Variants in HOMER1 observed in about 807,000 individuals in gnomAD.
HOMER1 encodes homer scaffold protein 1.
A neutral mutation model predicts 48.9 loss-of-function variants in HOMER1; 3 were observed. That is an observed-to-expected ratio of 0.06 (90% CI 0.03 to 0.16). The LOEUF is 0.16. HOMER1 is among the 10% of genes least tolerant of loss of function. The probability of loss-of-function intolerance (pLI) is 1.00; values close to 1 mark genes in which losing one functional copy is unlikely to be tolerated. For synonymous variants in HOMER1, 134 were observed against 146.4 expected (o/e 0.92, Z 0.61); for missense variants, 247 against 411.4 (o/e 0.60, Z 3.46).
chr5:79,382,664 A>C lies in HOMER1; in HGVS notation c.877-6467T>G, dbSNP rs77672643. 9.2e-5 allele frequency among the ~76,000 whole-genome samples: 14 copies of C among 152,378 alleles called. No homozygotes were observed. In the East Asian group the frequency reaches 2.7e-3, roughly 29 times the overall value. On this transcript the variant is annotated intron_variant, in intron 8 of 8. Coordinates refer to ENST00000334082, the MANE Select transcript of HOMER1 (RefSeq NM_004272.5). The stretch of plus-strand genomic sequence containing the variant: ...CAGCCCTACAAGAAATGCTCAAGGG[A>C]GATCTAAGTCTGGAAATGAAAGGAT...
At chr5:79,386,355 G>T (rs1488238803) in intron 8 of HOMER1, among the ~76,000 whole-genome samples, 1 of 152,178 alleles carries the variant, frequency 6.6e-6, no homozygotes, top group Non-Finnish European at 1.5e-5. Context: ...AGTGAACTAA[G>T]CCAGGCACAG....
At chr5:79,394,557 C>A (rs532387054) in intron 8 of HOMER1, among the ~76,000 whole-genome samples, 28 of 152,222 alleles carry the variant, frequency 1.8e-4, no homozygotes, top group African/African-American at 6.5e-4. Flanking sequence ...TCAATTACTG[C>A]TCTATCAATG....
chr5:79,479,093 G>A (rs981199127), intron 1 of HOMER1, among the ~76,000 whole-genome samples: 40 of 152,120 alleles, frequency 2.6e-4, no homozygotes, highest in Non-Finnish European at 7.3e-5. Flanking sequence ...TTGTGACACA[G>A]GCACAGGAGG....
In HOMER1 at chr5:79,423,911, G is replaced by A. The variant is rs1750173415; in HGVS notation, c.527+15099C>T. On this transcript the variant is annotated intron_variant, in intron 5 of 8. Transcript: ENST00000334082. ...CTTCATTTTTGAGACAGAGATGATGGTAGGAATGTCATATTTTTAGAGACC... is the reference window on the plus strand; with the variant it reads ...CTTCATTTTTGAGACAGAGATGATGATAGGAATGTCATATTTTTAGAGACC... Among the ~76,000 whole-genome samples, 6 of 152,082 alleles carry A rather than the reference G, an allele frequency of 3.9e-5. No individual in the cohort carries two copies. The South Asian group carries it at 1.2e-3, about 32-fold the overall frequency.
intron 8 of HOMER1, among the ~76,000 whole-genome samples, chr5:79,380,501 A>G (rs1374478638): frequency 6.6e-6 from 1 of 152,200 alleles, no homozygotes; most frequent in Non-Finnish European, 1.5e-5. Context: ...GTCAGGGCTG[A>G]GGCATGAGTG....
chr5:79,441,429 C>T (rs1336826441), intron 4 of HOMER1, among the ~76,000 whole-genome samples: 1 of 152,020 alleles, frequency 6.6e-6, no homozygotes. Context: ...AATGTTAATG[C>T]TACTAAAGTA....
intron 3 of HOMER1, among the ~76,000 whole-genome samples, chr5:79,449,958 A>G (rs1750988194): frequency 3.3e-5 from 5 of 152,230 alleles, no homozygotes. Context: ...ATATATTCAT[A>G]AAAGTGTAAG....
chr5:79,400,934 A>ATTT (rs746813087), intron 6 of HOMER1, among the ~76,000 whole-genome samples: 28 of 115,116 alleles, frequency 2.4e-4, no homozygotes, highest in Non-Finnish European at 3.5e-4. Flanking sequence ...AAGAAAAAAG[A>ATTT]TTTTTTTTTT....
intron 1 of HOMER1, among the ~76,000 whole-genome samples, chr5:79,462,330 A>T (rs1486893748): frequency 6.6e-6 from 1 of 152,176 alleles, no homozygotes; most frequent in East Asian, 1.9e-4. Flanking sequence ...GACATAAGAA[A>T]AGCTTACTGG....
rs542837463 is a variant in HOMER1, at chr5:79,510,071, T to C, written c.5+2699A>G. ...AACATTTATTAGGCATAAATACGCA[T>C]AAAGTGTGGAAACGTCAGCAAATGC... On this transcript the variant is annotated intron_variant, in intron 1 of 8. Transcript: ENST00000334082. Among the ~76,000 whole-genome samples, 5 of 152,194 alleles carry C rather than the reference T, an allele frequency of 3.3e-5. No individual in the cohort carries two copies. The South Asian group carries it at 8.3e-4, about 25-fold the overall frequency.
intron 5 of HOMER1, 132 bp downstream of exon 5, chr5:79,438,878 A>T: frequency 4.1e-6 from 1 of 246,708 alleles, no homozygotes; most frequent in Non-Finnish European, 6.9e-6. Flanking sequence ...AGAAGCAGTA[A>T]AAAAAAAAAA....
At chr5:79,511,950 A>G (rs1467953970) in intron 1 of HOMER1, among the ~76,000 whole-genome samples, 1 of 152,222 alleles carries the variant, frequency 6.6e-6, no homozygotes, top group Non-Finnish European at 1.5e-5. Context: ...CAATGAAATC[A>G]GATTGCTCCA....
intron 5 of HOMER1, among the ~76,000 whole-genome samples, chr5:79,416,010 A>T (rs1336334239): frequency 6.6e-6 from 1 of 152,204 alleles, no homozygotes; most frequent in African/African-American, 2.4e-5. Flanking sequence ...TGTACTCTTG[A>T]AGACAAAAAA....
chr5:79,416,947 C>T (rs1253806557), intron 5 of HOMER1, among the ~76,000 whole-genome samples: 1 of 152,072 alleles, frequency 6.6e-6, no homozygotes, highest in African/African-American at 2.4e-5. Flanking sequence ...TCATAGTTTC[C>T]CTACATCAGT....
At chr5:79,473,392 C>T (rs1751674600) in intron 1 of HOMER1, among the ~76,000 whole-genome samples, 3 of 152,136 alleles carry the variant, frequency 2.0e-5, no homozygotes, top group Admixed American at 2.0e-4. Flanking sequence ...GACAATTCTT[C>T]CTCTTCCAAT....
intron 8 of HOMER1, among the ~76,000 whole-genome samples, chr5:79,380,514 G>T (rs535846032): frequency 6.6e-6 from 1 of 152,204 alleles, no homozygotes; most frequent in African/African-American, 2.4e-5. Context: ...CATGAGTGGC[G>T]TGCACATTTC....
At chr5:79,400,590 C>T (rs996333377) in intron 6 of HOMER1, among the ~76,000 whole-genome samples, 1 of 151,404 alleles carries the variant, frequency 6.6e-6, no homozygotes, top group African/African-American at 2.4e-5. Flanking sequence ...CTCCTGGGCT[C>T]AAGCAATCCA....
intron 1 of HOMER1, among the ~76,000 whole-genome samples, chr5:79,507,081 C>T (rs540334106): frequency 1.9e-4 from 28 of 151,246 alleles, no homozygotes; most frequent in African/African-American, 5.8e-4. Flanking sequence ...GGTGTGGTGG[C>T]GCGCACCAGT....
chr5:79,438,950 A>C, intron 5 of HOMER1, 60 bp downstream of exon 5: 1 of 1,511,692 alleles, frequency 6.6e-7, no homozygotes, highest in Non-Finnish European at 9.1e-7. Flanking sequence ...GGGTTCCTGA[A>C]ACCAAACATT....
Sources: gnomAD v4.1 joint callset for allele counts (sites outside exome capture counted in the v4.1 genomes callset) on GRCh38, gnomAD v4.1.1 for gene constraint, MANE v1.5 for transcripts, NCBI Gene and HGNC (gene_info 2026-07-23, HGNC 2026-07-21) for gene names.